Variants in SRGAP3 observed in about 807,000 individuals in gnomAD.
The protein encoded by SRGAP3 is SLIT-ROBO Rho GTPase-activating protein 3.
Under a neutral mutation model 121.1 loss-of-function variants are expected in SRGAP3, and 39 were observed. That is an observed-to-expected ratio of 0.32 (90% CI 0.25 to 0.42). SRGAP3 has a LOEUF of 0.42. Ranked by LOEUF, SRGAP3 falls within the 10% of genes least tolerant of loss-of-function variation. The pLI, the probability that SRGAP3 is intolerant of heterozygous loss-of-function variation, is 1.00. For synonymous variants in SRGAP3, 601 were observed against 570.0 expected (o/e 1.05, Z -0.77); for missense variants, 1,213 against 1,470.6 (o/e 0.82, Z 2.86).
intron 1 of SRGAP3, among the ~76,000 whole-genome samples, chr3:9,229,027 AGT>A: frequency 6.9e-6 from 1 of 143,948 alleles, no homozygotes; most frequent in South Asian, 2.3e-4. Flanking sequence ...GCGCCACTGC[AGT>A]CCGCAGTCCG....
At chr3:9,071,949 G>T (rs548791735) in intron 4 of SRGAP3, among the ~76,000 whole-genome samples, 3 of 152,216 alleles carry the variant, frequency 2.0e-5, no homozygotes, top group African/African-American at 7.2e-5. Context: ...AAATCAGTGT[G>T]TGAGCCCCTG....
At chr3:9,045,144 C>A (rs1255478851) in intron 10 of SRGAP3, among the ~76,000 whole-genome samples, 1 of 147,438 alleles carries the variant, frequency 6.8e-6, no homozygotes, top group Non-Finnish European at 1.5e-5. Flanking sequence ...ACTATCTTCC[C>A]AACTTTTCTG....
At chr3:9,226,884 C>A (rs929978632) in intron 1 of SRGAP3, among the ~76,000 whole-genome samples, 10 of 152,186 alleles carry the variant, frequency 6.6e-5, no homozygotes, top group Non-Finnish European at 1.5e-4. Flanking sequence ...GCACCATGAG[C>A]ACCTGCCAGG....
chr3:9,271,326 CCT>C (rs1031116767), intron 3 of SRGAP3, among the ~76,000 whole-genome samples: 103 of 152,170 alleles, frequency 6.8e-4, no homozygotes, highest in South Asian at 6.2e-4. Flanking sequence ...AGAGCGAGAC[CCT>C]GTCTCAAAAA....
rs1941610756 is a variant in SRGAP3 at position 8,985,202 on chromosome 3, G to A, written c.*317C>T. ...TACGTATGTAGAGAGAATGTCGAGAGAGGAAGTTTCCAGTGACGATATGCG... is the reference window on the plus strand; with the variant it reads ...TACGTATGTAGAGAGAATGTCGAGAAAGGAAGTTTCCAGTGACGATATGCG... On this transcript the variant is annotated 3_prime_UTR_variant, in exon 22 of 22. Coordinates refer to ENST00000383836, the MANE Select transcript of SRGAP3 (RefSeq NM_014850.4). The surrounding 1 kb of genome is among the most constrained non-coding windows in gnomAD (Gnocchi z 5.1). 4.3e-6 allele frequency: 2 copies of A among 467,970 alleles called. No homozygotes were observed. Among genetic ancestry groups the A allele is most frequent in the Non-Finnish European group, 7.8e-6 (2 of 257,642 alleles). 29.0% of individuals were successfully genotyped at this position (467,970 alleles called of 1,614,324 possible).
chr3:8,995,343 G>C (rs183990737), intron 18 of SRGAP3, among the ~76,000 whole-genome samples: 8 of 152,246 alleles, frequency 5.3e-5, no homozygotes, highest in African/African-American at 1.9e-4. Flanking sequence ...GGGCGTGGTA[G>C]CACGTGCCTG....
intron 3 of SRGAP3, among the ~76,000 whole-genome samples, chr3:9,291,870 C>T (rs545363145): frequency 6.6e-6 from 1 of 152,184 alleles, no homozygotes; most frequent in East Asian, 1.9e-4. Flanking sequence ...AAATGTAAGA[C>T]AGAGTGAGCC....
At position 8,985,894 on chromosome 3, in the gene SRGAP3, C is replaced by T. The variant is rs1941675225; in HGVS notation, c.2925G>A (p.Leu975=). 2 of 1,599,672 alleles carry T rather than the reference C, an allele frequency of 1.3e-6. No individual in the cohort carries two copies. The highest frequency in any genetic ancestry group is 2.7e-5 in the African/African-American group (2 of 74,890). ...EKTMSTALHE[L]RELERQNTVK... Reference sequence around the variant, plus strand: ...CCGTGTTCTGCCTCTCGAGTTCCCGCAACTCGTGCAGAGCCGTGCTCATGG... The same window carrying T: ...CCGTGTTCTGCCTCTCGAGTTCCCGTAACTCGTGCAGAGCCGTGCTCATGG... The change falls in exon 22 of 22, where the codon TTG becomes TTA. Residue 975 remains leucine, a synonymous_variant. Transcript: ENST00000383836. This position sits in a 1 kb window ranked among gnomAD's most constrained non-coding sequence, Gnocchi z 5.1.
intron 1 of SRGAP3, among the ~76,000 whole-genome samples, chr3:9,237,569 C>T (rs1953459859): frequency 6.6e-6 from 1 of 152,202 alleles, no homozygotes; most frequent in Non-Finnish European, 1.5e-5. Context: ...TGGCATGCAA[C>T]CTCAAAGCAG....
intron 3 of SRGAP3, among the ~76,000 whole-genome samples, chr3:9,285,426 T>G (rs950689377): frequency 1.3e-5 from 2 of 152,048 alleles, no homozygotes; most frequent in Non-Finnish European, 2.9e-5. Context: ...ATAAAAGAAT[T>G]CTCCAACCTA....
chr3:9,104,883 T>C, intron 2 of SRGAP3, 41 bp from the exon 3 acceptor site: 4 of 1,613,116 alleles, frequency 2.5e-6, no homozygotes, highest in Non-Finnish European at 3.4e-6. Context: ...ACATTGGAAC[T>C]GTCATCCAAC....
chr3:9,339,151 T>C (rs1222905045), intron 1 of SRGAP3, among the ~76,000 whole-genome samples: 2 of 152,254 alleles, frequency 1.3e-5, no homozygotes, highest in Non-Finnish European at 2.9e-5. Flanking sequence ...ATGATTATGA[T>C]TCTGAACCGG....
chr3:9,336,189 T>C (rs928118118), intron 1 of SRGAP3, among the ~76,000 whole-genome samples: 2 of 152,094 alleles, frequency 1.3e-5, no homozygotes, highest in African/African-American at 4.8e-5. Flanking sequence ...ACTTGTCTTT[T>C]GGAAGCCCTC....
At chr3:9,142,829 CTTTTTTTTTTT>C (rs397795766) in intron 1 of SRGAP3, among the ~76,000 whole-genome samples, 3 of 90,832 alleles carry the variant, frequency 3.3e-5, no homozygotes, top group African/African-American at 4.4e-5. Context: ...GGGCAATTTC[CTTTTTTTTTTT>C]TTTTTTTTTT....
chr3:9,160,990 G>C (rs1051636120), intron 1 of SRGAP3, among the ~76,000 whole-genome samples: 1 of 152,002 alleles, frequency 6.6e-6, no homozygotes, highest in African/African-American at 2.4e-5. Flanking sequence ...ATAAAGGAGA[G>C]GTAAAAGCTC....
At chr3:9,038,888 T>C (rs956455324) in intron 10 of SRGAP3, among the ~76,000 whole-genome samples, 2 of 152,210 alleles carry the variant, frequency 1.3e-5, no homozygotes, top group African/African-American at 4.8e-5. Context: ...TGGATATGCA[T>C]GACCTAGCTT....
At chr3:9,055,142 T>C (rs1945760471) in intron 8 of SRGAP3, among the ~76,000 whole-genome samples, 1 of 152,210 alleles carries the variant, frequency 6.6e-6, no homozygotes, top group African/African-American at 2.4e-5. Context: ...AACAAATATA[T>C]AATTTGTCTC....
intron 15 of SRGAP3, chr3:9,014,093 C>A: frequency 1.8e-6 from 1 of 541,482 alleles, no homozygotes; most frequent in Non-Finnish European, 3.4e-6. Flanking sequence ...TTGTGAGAAA[C>A]CCACAGGGAG....
At chr3:9,288,130 G>GTA (rs757388128) in intron 3 of SRGAP3, among the ~76,000 whole-genome samples, 2 of 119,100 alleles carry the variant, frequency 1.7e-5, no homozygotes, top group African/African-American at 3.2e-5. Context: ...TTCTATCTTT[G>GTA]TTTTTTTTTT....
Sources: gnomAD v4.1 joint callset for allele counts (sites outside exome capture counted in the v4.1 genomes callset) on GRCh38, gnomAD v4.1.1 for gene constraint, Gnocchi (gnomAD v3.1) non-coding constraint, MANE v1.5 for transcripts, NCBI Gene and HGNC (gene_info 2026-07-23, HGNC 2026-07-21) for gene names.